The following TENM2 variants were observed in gnomAD, a reference collection of about 807,000 sequenced individuals.
The protein encoded by TENM2 is teneurin transmembrane protein 2.
Under a neutral mutation model 245.2 loss-of-function variants are expected in TENM2, and 52 were observed. That is an observed-to-expected ratio of 0.21 (90% CI 0.17 to 0.27). The LOEUF is 0.27. TENM2 is among the 10% of genes least tolerant of loss of function. The pLI is 1.00. For missense variants in TENM2, 3,046 were observed against 3,666.8 expected (o/e 0.83, Z 4.37); for synonymous variants, 1,363 against 1,438.9 (o/e 0.95, Z 1.19).
intron 2 of TENM2, among the ~76,000 whole-genome samples, chr5:167,447,425 G>A (rs1174245021): frequency 6.6e-6 from 1 of 152,180 alleles, no homozygotes; most frequent in Non-Finnish European, 1.5e-5. Flanking sequence ...GTTTGGACCT[G>A]GGTTTTGTTC....
the TENM2 span, among the ~76,000 whole-genome samples, chr5:167,019,909 A>C: frequency 6.6e-6 from 1 of 152,316 alleles, no homozygotes; most frequent in East Asian, 1.9e-4. Context: ...AGAGCAAGTA[A>C]ATAATTTACC....
chr5:167,094,862 G>T, the TENM2 span, among the ~76,000 whole-genome samples: 1 of 152,260 alleles, frequency 6.6e-6, no homozygotes, highest in Admixed American at 6.5e-5. Context: ...GAAATTTACT[G>T]GGGAAGGTAT....
rs1179330638 is a variant in TENM2 at position 168,239,045 on chromosome 5, TA to T, written c.5521-5374del. ...GCCTCAAGGTTAATTTAAATATTGC[TA>T]GCTGGGTAATTTAATTCAGAATAAG... On this transcript the variant is annotated intron_variant, in intron 25 of 28. Coordinates refer to ENST00000518659, the Ensembl canonical transcript of TENM2. Among the ~76,000 whole-genome samples, 6 of 152,342 alleles carry T rather than the reference TA, an allele frequency of 3.9e-5. No individual in the cohort carries two copies. The East Asian group carries it at 1.2e-3, about 29-fold the overall frequency.
At chr5:167,537,767 G>A (rs939628418) in intron 2 of TENM2, among the ~76,000 whole-genome samples, 5 of 152,184 alleles carry the variant, frequency 3.3e-5, no homozygotes, top group South Asian at 2.1e-4. Flanking sequence ...TATAACCCAC[G>A]TGGGTATCAT....
chr5:167,319,932 C>T (rs1756609363), intron 1 of TENM2, among the ~76,000 whole-genome samples: 1 of 152,174 alleles, frequency 6.6e-6, no homozygotes. Flanking sequence ...ATTCATTCTG[C>T]AAATACTTAT....
the TENM2 span, among the ~76,000 whole-genome samples, chr5:167,028,069 C>CAAAAAAA: frequency 3.2e-5 from 3 of 92,692 alleles, no homozygotes; most frequent in Admixed American, 1.3e-4. Context: ...GATTCCATCT[C>CAAAAAAA]AAAAAAAAAA....
At chr5:167,623,222 A>C (rs1778288646) in intron 2 of TENM2, among the ~76,000 whole-genome samples, 1 of 152,006 alleles carries the variant, frequency 6.6e-6, no homozygotes, top group Non-Finnish European at 1.5e-5. Context: ...TAAAAAGGAG[A>C]CTGCATTTGT....
chr5:167,908,794 G>C (rs1776319758), intron 3 of TENM2, among the ~76,000 whole-genome samples: 1 of 151,490 alleles, frequency 6.6e-6, no homozygotes, highest in Non-Finnish European at 1.5e-5. Context: ...GTCCAAGCTT[G>C]GCAGTTCTCC....
intron 5 of TENM2, among the ~76,000 whole-genome samples, chr5:168,039,294 G>A (rs1418673619): frequency 2.6e-5 from 4 of 152,014 alleles, no homozygotes; most frequent in Non-Finnish European, 5.9e-5. Context: ...CCTCTTTAAC[G>A]GGGCTGCTGG....
intron 2 of TENM2, among the ~76,000 whole-genome samples, chr5:167,557,413 CATT>C (rs894523913): frequency 2.0e-5 from 3 of 152,134 alleles, no homozygotes; most frequent in Non-Finnish European, 4.4e-5. Context: ...GCCAGTGACT[CATT>C]ATGAAATTTC....
chr5:168,213,939 G>GT (rs1347304240), intron 20 of TENM2, among the ~76,000 whole-genome samples: 1 of 152,216 alleles, frequency 6.6e-6, no homozygotes. Flanking sequence ...GGTGCTGATT[G>GT]TAATAACCAG....
the TENM2 span, among the ~76,000 whole-genome samples, chr5:167,128,832 T>A: frequency 6.6e-6 from 1 of 152,232 alleles, no homozygotes; most frequent in Non-Finnish European, 1.5e-5. Context: ...TCTTGTGTTA[T>A]TAGTGTCCTA....
chr5:167,068,479 C>A, the TENM2 span, among the ~76,000 whole-genome samples: 55 of 152,234 alleles, frequency 3.6e-4, no homozygotes, highest in African/African-American at 1.3e-3. Flanking sequence ...TTTTATTTAA[C>A]CTGAGATACC....
chr5:167,021,382 A>G, the TENM2 span, among the ~76,000 whole-genome samples: 1 of 152,240 alleles, frequency 6.6e-6, no homozygotes, highest in Admixed American at 6.5e-5. Context: ...GTAAAAATTT[A>G]AAATGCTATA....
At chr5:167,878,573 CTGTG>C (rs10573629) in intron 3 of TENM2, among the ~76,000 whole-genome samples, 64,553 of 149,990 alleles carry the variant, frequency 0.43, 14,738 homozygotes, top group East Asian at 0.81. Flanking sequence ...GTGCTCACGT[CTGTG>C]TGTGTGTGTG....
chr5:168,118,210 G>C, intron 9 of TENM2, 82 bp from the exon 12 acceptor site: 5 of 1,217,918 alleles, frequency 4.1e-6, no homozygotes, highest in Non-Finnish European at 4.5e-6. Context: ...CCCAAGGCCA[G>C]ACAGCTCTAC....
intron 2 of TENM2, among the ~76,000 whole-genome samples, chr5:167,688,971 C>T (rs926930481): frequency 1.3e-5 from 2 of 152,154 alleles, no homozygotes; most frequent in Admixed American, 6.5e-5. Context: ...TTATAAGCAA[C>T]GGGGCACATC....
chr5:167,313,811 A>G lies in TENM2; in HGVS notation c.226+28748A>G, dbSNP rs1158661757. ...ATATATGTAGTCATTTTAATTCCAA[A>G]TAATTAGTACTAAAGTAAGAAAATT... is the stretch of plus-strand genomic sequence containing the variant. On this transcript the variant is annotated intron_variant, in intron 1 of 28. Transcript: ENST00000518659. Among the ~76,000 whole-genome samples the G allele has an allele frequency of 9.2e-5, 14 of 152,212 alleles. 1 individual carries two copies. The highest frequency in any genetic ancestry group is 9.2e-4 in the Admixed American group (14 of 15,284).
exon 1 of TENM2, chr5:167,285,028 T>C: frequency 6.4e-7 from 1 of 1,552,202 alleles, no homozygotes; most frequent in Non-Finnish European, 8.7e-7. Flanking sequence ...GTCACAGACC[T>C]CATCCACCGG....
Sources: gnomAD v4.1 joint callset for allele counts (sites outside exome capture counted in the v4.1 genomes callset) on GRCh38, gnomAD v4.1.1 for gene constraint, MANE v1.5 for transcripts, NCBI Gene and HGNC (gene_info 2026-07-23, HGNC 2026-07-21) for gene names.